KRABD4: variants seen among roughly 807,000 people sequenced by gnomAD.
KRABD4 encodes the protein KRAB domain-containing protein 4.
At chrX:46,457,696 G>T in the KRABD4 span, among the ~76,000 whole-genome samples, 1 of 93,587 alleles carries the variant, frequency 1.1e-5, no homozygotes, top group African/African-American at 4.0e-5. Flanking sequence ...ATGAAAATAT[G>T]CTCCTCCTAT....
At chrX:46,468,434 A>G in the KRABD4 span, among the ~76,000 whole-genome samples, 2 of 110,093 alleles carry the variant, frequency 1.8e-5, no homozygotes. Context: ...AGGCTGAGGC[A>G]CAAGAATCGC....
the KRABD4 span, among the ~76,000 whole-genome samples, chrX:46,450,270 C>T: frequency 8.9e-6 from 1 of 111,817 alleles, no homozygotes; most frequent in African/African-American, 3.3e-5. Flanking sequence ...ATGTGGAAAA[C>T]CTACATGATC....
At chrX:46,464,068 C>A in the KRABD4 span, among the ~76,000 whole-genome samples, 5 of 79,465 alleles carry the variant, frequency 6.3e-5, no homozygotes, top group East Asian at 3.9e-4. Context: ...AAAAAAAAAA[C>A]ACACTTGAGA....
At chrX:46,458,044 G>A in the KRABD4 span, among the ~76,000 whole-genome samples, 1 of 111,052 alleles carries the variant, frequency 9.0e-6, no homozygotes, top group South Asian at 3.8e-4. Flanking sequence ...ACCTGGCCCC[G>A]ACGTTAGAAA....
the KRABD4 span, among the ~76,000 whole-genome samples, chrX:46,465,114 A>G: frequency 2.7e-5 from 3 of 112,584 alleles, no homozygotes; most frequent in Non-Finnish European, 5.6e-5. Flanking sequence ...GCTTATTTTT[A>G]GTTCCTTTAT....
chrX:46,453,310 C>T, the KRABD4 span, among the ~76,000 whole-genome samples: 2 of 111,736 alleles, frequency 1.8e-5, no homozygotes, highest in Non-Finnish European at 3.8e-5. Flanking sequence ...GTTGAGTCTC[C>T]GTCTGGATGG....
chrX:46,471,820 C>T, the KRABD4 span, among the ~76,000 whole-genome samples: 1 of 112,158 alleles, frequency 8.9e-6, no homozygotes, highest in Non-Finnish European at 1.9e-5. Context: ...CTTTTTATTG[C>T]TGAATAATAT....
chrX:46,461,841 G>A, the KRABD4 span, among the ~76,000 whole-genome samples: 1 of 111,385 alleles, frequency 9.0e-6, no homozygotes, highest in African/African-American at 3.3e-5. Context: ...TCAGCCCCAG[G>A]CAGGATTGAC....
chrX:46,474,393 G>T, the KRABD4 span: 2 of 111,351 alleles, frequency 1.8e-5, no homozygotes, highest in Non-Finnish European at 3.8e-5. Context: ...ATAGAAATGG[G>T]TTCTGACAGC....
At chrX:46,472,482 T>G in the KRABD4 span, 1 of 308,645 alleles carries the variant, frequency 3.2e-6, no homozygotes, top group Non-Finnish European at 5.6e-6. Flanking sequence ...CACTTTAAAT[T>G]TCTTCTTCAT....
At chrX:46,462,239 C>T in the KRABD4 span, among the ~76,000 whole-genome samples, 1 of 111,992 alleles carries the variant, frequency 8.9e-6, no homozygotes, top group African/African-American at 3.2e-5. Context: ...AGGCCGGGCG[C>T]GATGGCTCAC....
At chrX:46,465,108 A>G in the KRABD4 span, among the ~76,000 whole-genome samples, 1 of 112,584 alleles carries the variant, frequency 8.9e-6, no homozygotes, top group Non-Finnish European at 1.9e-5. Context: ...TTATATGCTT[A>G]TTTTTAGTTC....
the KRABD4 span, among the ~76,000 whole-genome samples, chrX:46,460,446 G>T: frequency 9.2e-6 from 1 of 109,047 alleles, no homozygotes; most frequent in African/African-American, 3.3e-5. Flanking sequence ...GGGGCAGGGG[G>T]GTGGATATTA....
the KRABD4 span, chrX:46,456,591 A>G: frequency 3.6e-6 from 1 of 278,393 alleles, no homozygotes; most frequent in African/African-American, 2.8e-5. Context: ...AGCTCTTATG[A>G]CCAAATAAAC....
chrX:46,463,247 A>C, the KRABD4 span: 88 of 1,210,409 alleles, frequency 7.3e-5, no homozygotes, highest in East Asian at 8.9e-5. Flanking sequence ...GACCAGGTGA[A>C]GAGTCCTGGA....
chrX:46,448,806 C>A, the KRABD4 span: 1 of 108,918 alleles, frequency 9.2e-6, no homozygotes. Context: ...GTTCCCGTCT[C>A]TTGCCATTGG....
At chrX:46,468,515 G>T in the KRABD4 span, among the ~76,000 whole-genome samples, 1 of 110,241 alleles carries the variant, frequency 9.1e-6, no homozygotes, top group African/African-American at 3.3e-5. Context: ...CAGTACTCCA[G>T]CCTGGGCAAC....
chrX:46,464,149 GT>G, the KRABD4 span, among the ~76,000 whole-genome samples: 2 of 110,313 alleles, frequency 1.8e-5, no homozygotes, highest in Non-Finnish European at 3.8e-5. Flanking sequence ...CTTTTTCCTT[GT>G]CTATTTTTCC....
At chrX:46,456,323 A>G in the KRABD4 span, 2 of 107,129 alleles carry the variant, frequency 1.9e-5, no homozygotes, top group Non-Finnish European at 3.8e-5. Flanking sequence ...AATATAAAGT[A>G]TAATTTATTA....
Sources: allele counts gnomAD v4.1 joint callset (sites outside exome capture counted in the v4.1 genomes callset), GRCh38; gene constraint gnomAD v4.1.1; transcripts MANE v1.5; gene names NCBI Gene and HGNC (gene_info 2026-07-23, HGNC 2026-07-21).